Variants in PRKAA2 observed in about 807,000 individuals in gnomAD.
PRKAA2 encodes protein kinase AMP-activated catalytic subunit alpha 2, also known as 5'-AMP-activated protein kinase catalytic subunit alpha-2.
A neutral mutation model predicts 56.3 loss-of-function variants in PRKAA2; 40 were observed. That is an observed-to-expected ratio of 0.71 (90% CI 0.55 to 0.92). The LOEUF is 0.92. PRKAA2 is among the 40% of genes least tolerant of loss of function. The pLI, the probability that PRKAA2 is intolerant of heterozygous loss-of-function variation, is 0.00. For synonymous variants in PRKAA2, 214 were observed against 234.2 expected, an observed-to-expected ratio of 0.91 and a Z score of 0.79; for missense variants, 542 against 686.9, an observed-to-expected ratio of 0.79 and a Z score of 2.36.
intron 5 of PRKAA2, among the ~76,000 whole-genome samples, chr1:56,695,666 A>G (rs976787964): frequency 1.4e-4 from 21 of 152,128 alleles, no homozygotes; most frequent in African/African-American, 4.8e-4. Context: ...CACAGAAAGT[A>G]TTATATGTTT....
In PRKAA2 at chr1:56,707,717, GTC is replaced by G. The variant is rs1557565938; in HGVS notation, c.*8_*9del. On this transcript the variant is annotated 3_prime_UTR_variant, in exon 9 of 9. Transcript: ENST00000371244. ...GATTACTACTTTAGCCCGTTGATCT[GTC>G]TCTAGTTTCTTTCTGTTATTGCACT... 1 of 1,570,748 alleles carries G rather than the reference GTC, an allele frequency of 6.4e-7. No individual in the cohort carries two copies.
chr1:56,675,974 A>ACT (rs3034076), intron 2 of PRKAA2, among the ~76,000 whole-genome samples: 150,039 of 152,224 alleles, frequency 0.99, 73,943 homozygotes, highest in East Asian at 1. Flanking sequence ...AGTATTAATA[A>ACT]CTGAGATGTT....
At chr1:56,686,671 C>T (rs144529953) in intron 2 of PRKAA2, among the ~76,000 whole-genome samples, 7 of 152,126 alleles carry the variant, frequency 4.6e-5, no homozygotes, top group Non-Finnish European at 8.8e-5. Context: ...CTCTTATGAA[C>T]TGAGCAAGAA....
At chr1:56,684,294 G>T (rs919416795) in intron 2 of PRKAA2, among the ~76,000 whole-genome samples, 1 of 152,062 alleles carries the variant, frequency 6.6e-6, no homozygotes, top group Admixed American at 6.6e-5. Flanking sequence ...AAGTTGAAAT[G>T]CTTATTAGAC....
intron 1 of PRKAA2, among the ~76,000 whole-genome samples, chr1:56,656,758 T>G (rs937697390): frequency 4.6e-5 from 7 of 152,192 alleles, no homozygotes; most frequent in Admixed American, 1.3e-4. Flanking sequence ...CAGCTGAATA[T>G]TTTAAGGACT....
Position 56,707,582 on chromosome 1 carries a change from C to A in PRKAA2, c.1528C>A (p.His510Asn), listed in dbSNP as rs767760470. Residue 510 changes from histidine to asparagine, a missense_variant, in exon 9 of 9, where the codon CAT (histidine) becomes AAT (asparagine). By Grantham distance (68) the His-to-Asn change is moderately conservative. Around this residue, in one of 5 missense-constraint regions of PRKAA2, gnomAD observed 158 missense variants for 166.1 expected, o/e 0.95. Transcript: ENST00000371244. ...TTTTGATTCCACAACTGCAGAGAGC[C>A]ATTCACTTTCTGGCTCTCTCACTGG... ...SSFDSTTAES[H>N]SLSGSLTGSL... 1.9e-6 allele frequency: 3 copies of A among 1,614,014 alleles called. No homozygotes were observed. In the South Asian group the frequency reaches 3.3e-5, roughly 18 times the overall value.
In PRKAA2 at chr1:56,692,028, A is replaced by ATTT. The variant is rs397863487; in HGVS notation, c.331-310_331-308dup. Among the ~76,000 whole-genome samples the ATTT allele has an allele frequency of 5.2e-3, 587 of 112,676 alleles. 15 individuals carry two copies. Among genetic ancestry groups the ATTT allele is most frequent in the African/African-American group, 6.8e-3 (201 of 29,350 alleles). The allele number at this position is 112,676 out of a possible 152,430, so 73.9% of individuals were successfully genotyped here. A position where few individuals can be genotyped will look rare whatever the true frequency, so the allele number is the denominator to read the frequency against. On this transcript the variant is annotated intron_variant, in intron 3 of 8. Transcript: ENST00000371244. ...AACTCTTGTCAAATAGATGTCTCAG[A>ATTT]TTTTTTTTTTTTTTTTTTTTTTGAG...
chr1:56,674,411 T>G lies in PRKAA2; in HGVS notation c.125T>G (p.Val42Gly). 9 of 1,581,688 alleles carry G rather than the reference T, an allele frequency of 5.7e-6. No homozygotes were observed. Among genetic ancestry groups the G allele is most frequent in the Non-Finnish European group, 7.7e-6 (9 of 1,167,786 alleles). ...GAACATCAATTAACAGGCCATAAAGTGGCAGTTAAAATCTTAAATAGACAG... is the reference window on the plus strand; with the variant it reads ...GAACATCAATTAACAGGCCATAAAGGGGCAGTTAAAATCTTAAATAGACAG... Reference protein sequence around the residue: ...IGEHQLTGHKVAVKILNRQKI... With the variant: ...IGEHQLTGHKGAVKILNRQKI... Residue 42 changes from valine to glycine, a missense_variant, in exon 2 of 9, where the codon GTG becomes GGG. Val to Gly is a moderately radical substitution (Grantham distance 109). Transcript: ENST00000371244.
intron 1 of PRKAA2, 21 bp downstream of exon 1, chr1:56,645,502 C>A: frequency 6.9e-7 from 1 of 1,456,968 alleles, no homozygotes; most frequent in South Asian, 1.3e-5. Context: ...CGCTCCGGAC[C>A]GCTGTGCGGG....
intron 1 of PRKAA2, among the ~76,000 whole-genome samples, chr1:56,669,042 A>C (rs1017792106): frequency 6.6e-6 from 1 of 152,226 alleles, no homozygotes; most frequent in Non-Finnish European, 1.5e-5. Context: ...GGAAAGTCTT[A>C]GAGTTGGAAG....
intron 6 of PRKAA2, among the ~76,000 whole-genome samples, chr1:56,697,537 A>G (rs1644266838): frequency 6.6e-6 from 1 of 152,210 alleles, no homozygotes; most frequent in African/African-American, 2.4e-5. Context: ...TTTAATTATA[A>G]AAATGAACTT....
chr1:56,699,313 T>C (rs1298559777), intron 6 of PRKAA2, among the ~76,000 whole-genome samples: 1 of 152,198 alleles, frequency 6.6e-6, no homozygotes, highest in African/African-American at 2.4e-5. Context: ...TTAAGTCATA[T>C]ATCAATTTCA....
Position 56,710,357 on chromosome 1 carries a change from C to T in PRKAA2, c.*2644C>T, listed in dbSNP as rs756434856. 1.3e-5 allele frequency: 2 copies of T among 152,002 alleles called. No homozygotes were observed. Among genetic ancestry groups the T allele is most frequent in the Non-Finnish European group, 2.9e-5 (2 of 67,968 alleles). 9.4% of individuals were successfully genotyped at this position (152,002 alleles called of 1,614,324 possible). A position where few individuals can be genotyped will look rare whatever the true frequency, so the allele number is the denominator to read the frequency against. On this transcript the variant is annotated 3_prime_UTR_variant, in exon 9 of 9. Coordinates refer to ENST00000371244, the MANE Select transcript of PRKAA2 (RefSeq NM_006252.4). ...AAATGTTGCATGCTACTCTTCCCCT[C>T]GAAGATGACAGTGGATGTCAGCATT...
At chr1:56,679,576 C>T (rs1375874470) in intron 2 of PRKAA2, among the ~76,000 whole-genome samples, 1 of 152,150 alleles carries the variant, frequency 6.6e-6, no homozygotes, top group African/African-American at 2.4e-5. Context: ...GTCTGCACTT[C>T]TTTTTCCTAA....
At chr1:56,677,242 G>T (rs1187768393) in intron 2 of PRKAA2, among the ~76,000 whole-genome samples, 2 of 152,168 alleles carry the variant, frequency 1.3e-5, no homozygotes, top group Non-Finnish European at 2.9e-5. Context: ...ACTAATTCCA[G>T]TCCTCTTTCA....
chr1:56,652,913 C>T (rs191650998), intron 1 of PRKAA2, among the ~76,000 whole-genome samples: 22 of 152,272 alleles, frequency 1.4e-4, no homozygotes, highest in Admixed American at 1.3e-3. Flanking sequence ...GAAGAAAGCT[C>T]TTAATGACTA....
intron 4 of PRKAA2, 26 bp from the exon 5 acceptor site, chr1:56,693,739 C>A: frequency 1.4e-6 from 2 of 1,464,988 alleles, no homozygotes; most frequent in South Asian, 1.3e-5. Flanking sequence ...TATCTAGCAC[C>A]AAGTAAACAT....
In PRKAA2 at chr1:56,711,351, C is replaced by A. The variant is rs1644367742; in HGVS notation, c.*3638C>A. ...AGATTTTTGATCTGTTTGGATTTAT[C>A]TGTAGCATTGAATAATGTGCAGTGT... is the stretch of plus-strand genomic sequence containing the variant. On this transcript the variant is annotated 3_prime_UTR_variant, in exon 9 of 9. Transcript: ENST00000371244. 6.6e-6 allele frequency: 1 copy of A among 152,068 alleles called. No homozygotes were observed. The highest frequency in any genetic ancestry group is 2.4e-5 in the African/African-American group (1 of 41,408). The allele number at this position is 152,068 out of a possible 1,614,324, so 9.4% of individuals were successfully genotyped here.
Position 56,707,835 on chromosome 1 carries a change from G to A in PRKAA2, c.*122G>A. On this transcript the variant is annotated 3_prime_UTR_variant, in exon 9 of 9. Transcript: ENST00000371244. ...TTGAGAAACATGAATTATTTCCAGGGGCACACAATGCTATTGAAATTACTG... is the reference window on the plus strand; with the variant it reads ...TTGAGAAACATGAATTATTTCCAGGAGCACACAATGCTATTGAAATTACTG... 2.2e-6 allele frequency: 2 copies of A among 905,106 alleles called. No individual in the cohort carries two copies. The highest frequency in any genetic ancestry group is 3.4e-6 in the Non-Finnish European group (2 of 593,584). 56.1% of individuals were successfully genotyped at this position (905,106 alleles called of 1,614,324 possible).
Sources: allele counts gnomAD v4.1 joint callset (sites outside exome capture counted in the v4.1 genomes callset), GRCh38; gene constraint gnomAD v4.1.1; regional missense constraint gnomAD v4.1.1; transcripts MANE v1.5; gene names NCBI Gene and HGNC (gene_info 2026-07-23, HGNC 2026-07-21).